The following BMPR1A variants were observed in gnomAD, a reference collection of about 807,000 sequenced individuals.
BMPR1A encodes the protein bone morphogenetic protein receptor type 1A, also known as bone morphogenetic protein receptor type-1A.
BMPR1A carries 7 observed loss-of-function variants against 66.0 expected under a neutral mutation model. That is an observed-to-expected ratio of 0.11 (90% CI 0.06 to 0.20). The LOEUF is 0.20. Ranked by LOEUF, BMPR1A falls within the 10% of genes least tolerant of loss-of-function variation. The probability of loss-of-function intolerance (pLI) is 1.00; values close to 1 mark genes in which losing one functional copy is unlikely to be tolerated. For synonymous variants in BMPR1A, 200 were observed against 229.7 expected (o/e 0.87, Z 1.17); for missense variants, 408 against 669.1 (o/e 0.61, Z 4.31).
chr10:86,917,707 T>A (rs1026192928), intron 9 of BMPR1A, among the ~76,000 whole-genome samples: 3 of 152,226 alleles, frequency 2.0e-5, no homozygotes, highest in Non-Finnish European at 4.4e-5. Flanking sequence ...CTGTGTTTAA[T>A]GTGTGTTTCC....
intron 1 of BMPR1A, among the ~76,000 whole-genome samples, chr10:86,786,213 C>T (rs1439897218): frequency 6.6e-6 from 1 of 152,186 alleles, no homozygotes; most frequent in Non-Finnish European, 1.5e-5. Context: ...CAGGGTCATT[C>T]TCCTCCACAA....
intron 1 of BMPR1A, among the ~76,000 whole-genome samples, chr10:86,793,512 T>C (rs1841661644): frequency 6.6e-6 from 1 of 151,822 alleles, no homozygotes; most frequent in Admixed American, 6.6e-5. Flanking sequence ...TACAGGTGCA[T>C]GCCACCACGC....
At chr10:86,836,558 G>A (rs1343812163) in intron 1 of BMPR1A, among the ~76,000 whole-genome samples, 2 of 152,168 alleles carry the variant, frequency 1.3e-5, no homozygotes. Flanking sequence ...AGCACTTTGG[G>A]AGGCCGAGGC....
chr10:86,788,711 G>A (rs568273208), intron 1 of BMPR1A, among the ~76,000 whole-genome samples: 27 of 152,092 alleles, frequency 1.8e-4, no homozygotes, highest in Admixed American at 1.0e-3. Flanking sequence ...GGGTTCACGC[G>A]ACTCTCCTGC....
intron 1 of BMPR1A, among the ~76,000 whole-genome samples, chr10:86,815,945 A>T (rs1476739076): frequency 6.6e-6 from 1 of 152,244 alleles, no homozygotes; most frequent in Non-Finnish European, 1.5e-5. Context: ...TTTCTTGCCT[A>T]GGATATCCCT....
chr10:86,798,375 A>G (rs1414922388), intron 1 of BMPR1A, among the ~76,000 whole-genome samples: 1 of 152,212 alleles, frequency 6.6e-6, no homozygotes, highest in African/African-American at 2.4e-5. Flanking sequence ...TTATTTGATA[A>G]ATGCTATTGG....
rs1007165718 is a variant in BMPR1A, at chr10:86,923,765, TTA to T, written c.*47_*48del. On this transcript the variant is annotated 3_prime_UTR_variant, in exon 13 of 13. Coordinates refer to ENST00000372037, the MANE Select transcript of BMPR1A (RefSeq NM_004329.3). ...AAACTCTAGACTGCAAGAACTGTTTTTACCCATGGCATGGGTGGAATTAGAGT... is the reference window on the plus strand; with the variant it reads ...AAACTCTAGACTGCAAGAACTGTTTTCCCATGGCATGGGTGGAATTAGAGT... The T allele has an allele frequency of 6.2e-7, 1 of 1,608,144 alleles. No individual in the cohort carries two copies. The highest frequency in any genetic ancestry group is 8.5e-7 in the Non-Finnish European group (1 of 1,176,868).
intron 1 of BMPR1A, among the ~76,000 whole-genome samples, chr10:86,816,890 C>T (rs1842042355): frequency 6.6e-6 from 1 of 152,058 alleles, no homozygotes; most frequent in Non-Finnish European, 1.5e-5. Flanking sequence ...AAAATTCTAA[C>T]AGGAATTAAC....
chr10:86,763,914 C>T (rs564647055), intron 1 of BMPR1A, among the ~76,000 whole-genome samples: 7 of 152,096 alleles, frequency 4.6e-5, no homozygotes, highest in African/African-American at 1.7e-4. Context: ...CCTCAGCCTC[C>T]TGAGTAGCTG....
At chr10:86,929,430 G>A (rs889784998), downstream of BMPR1A, 1 of 152,148 alleles carries the variant, frequency 6.6e-6, no homozygotes, top group African/African-American at 2.4e-5. Context: ...CCTGCACTGA[G>A]TCCCACCGCC....
chr10:86,892,550 T>A (rs932357554), intron 5 of BMPR1A, among the ~76,000 whole-genome samples: 1 of 152,210 alleles, frequency 6.6e-6, no homozygotes, highest in Admixed American at 6.5e-5. Context: ...TGCCTCAGCC[T>A]TCTGAATAGC....
chr10:86,835,540 ACT>A (rs1207821107), intron 1 of BMPR1A, among the ~76,000 whole-genome samples: 4 of 118,378 alleles, frequency 3.4e-5, no homozygotes, highest in Admixed American at 1.1e-4. Flanking sequence ...GACAAGCAAG[ACT>A]CTGTATCAAA....
At chr10:86,903,992 C>T (rs1050376162) in intron 7 of BMPR1A, among the ~76,000 whole-genome samples, 15 of 152,308 alleles carry the variant, frequency 9.8e-5, no homozygotes, top group Admixed American at 8.5e-4. Context: ...CATACTCCAC[C>T]TGCTGGGTTC....
At chr10:86,826,235 A>G (rs118077148) in intron 1 of BMPR1A, among the ~76,000 whole-genome samples, 8,592 of 152,240 alleles carry the variant, frequency 0.056, 389 homozygotes, top group Non-Finnish European at 0.079. Flanking sequence ...TAAGAGATAT[A>G]GTATTAATAC....
chr10:86,825,200 C>T (rs1842177613), intron 1 of BMPR1A, among the ~76,000 whole-genome samples: 1 of 151,730 alleles, frequency 6.6e-6, no homozygotes, highest in African/African-American at 2.4e-5. Flanking sequence ...ACCTCCTGGG[C>T]TCAAGCGATC....
chr10:86,917,888 C>T (rs1843600275), intron 9 of BMPR1A, among the ~76,000 whole-genome samples: 1 of 152,172 alleles, frequency 6.6e-6, no homozygotes, highest in South Asian at 2.1e-4. Flanking sequence ...GTATTAGTTT[C>T]CTAGGGCTGC....
rs1163559242 is a variant in BMPR1A, at chr10:86,809,905, AC to A, written c.-267-28959del. On this transcript the variant is annotated intron_variant, in intron 1 of 12. Transcript: ENST00000372037. ...TTGTGCCTGGCATATTTCATTTAGC[AC>A]ATTTTTTCAAGGCTCATCCATATAG... Among the ~76,000 whole-genome samples the A allele has an allele frequency of 2.0e-5, 3 of 152,150 alleles. No homozygotes were observed. In the East Asian group the frequency reaches 5.8e-4, roughly 29 times the overall value.
intron 1 of BMPR1A, among the ~76,000 whole-genome samples, chr10:86,781,553 A>G (rs1841437039): frequency 6.6e-6 from 1 of 152,116 alleles, no homozygotes; most frequent in South Asian, 2.1e-4. Flanking sequence ...TTTTCCGTGA[A>G]GAATGTCATT....
chr10:86,884,187 C>T (rs1010565296), intron 3 of BMPR1A, among the ~76,000 whole-genome samples: 4 of 151,642 alleles, frequency 2.6e-5, no homozygotes, highest in East Asian at 3.9e-4. Context: ...GGTTCTTAAG[C>T]GATCCTTCCG....
Sources: allele counts gnomAD v4.1 joint callset (sites outside exome capture counted in the v4.1 genomes callset), GRCh38; gene constraint gnomAD v4.1.1; transcripts MANE v1.5; gene names NCBI Gene and HGNC (gene_info 2026-07-23, HGNC 2026-07-21).